Variants in FKBP3 observed in about 807,000 individuals in gnomAD.
FKBP3 encodes the protein peptidyl-prolyl cis-trans isomerase FKBP3.
Under a neutral mutation model 30.6 loss-of-function variants are expected in FKBP3, and 21 were observed. The ratio of observed to expected loss-of-function variants is 0.69; its 90% CI spans 0.49 to 0.99. The LOEUF is 0.99. Among genes scored for constraint, FKBP3 ranks in the 50% least tolerant of loss-of-function variants. The pLI is 0.00. For synonymous variants in FKBP3, 82 were observed against 91.3 expected, an observed-to-expected ratio of 0.90 and a Z score of 0.58; for missense variants, 283 against 261.6, an observed-to-expected ratio of 1.08 and a Z score of -0.56.
intron 6 of FKBP3, among the ~76,000 whole-genome samples, chr14:45,116,525 A>G (rs1428926580): frequency 6.6e-6 from 1 of 152,070 alleles, no homozygotes; most frequent in East Asian, 1.9e-4. Flanking sequence ...TAAAGTTTTT[A>G]TGAGGTAGTA....
Position 45,116,223 on chromosome 14 carries a change from T to G in FKBP3, c.650A>C (p.Glu217Ala), listed in dbSNP as rs144130205. 75 of 1,613,124 alleles carry G rather than the reference T, an allele frequency of 4.6e-5. No individual in the cohort carries two copies. The African/African-American group carries it at 9.1e-4, about 20-fold the overall frequency. ...TCAATCAATATCCACTAATTCCACT[T>G]CAAAAGTGAGTTTTGCATTTGGTGG... The part of the protein sequence containing the change: ...KIPPNAKLTF[E>A]VELVDID The change falls in exon 7 of 7, where the codon GAA (glutamate) becomes GCA (alanine). Residue 217 changes from glutamate to alanine, a missense_variant. Transcript: ENST00000396062.
At chr14:45,121,665 G>A (rs752573903) in intron 3 of FKBP3, 45 bp from the exon 4 acceptor site, 35 of 1,589,056 alleles carry the variant, frequency 2.2e-5, no homozygotes, top group Non-Finnish European at 2.8e-5. Flanking sequence ...ATTAATTTGT[G>A]TCCTTTAAAA....
At chr14:45,131,736 C>T (rs566811552) in intron 1 of FKBP3, among the ~76,000 whole-genome samples, 3 of 151,502 alleles carry the variant, frequency 2.0e-5, no homozygotes, top group South Asian at 2.1e-4. Context: ...TTAATAACAG[C>T]GTCTACGTCA....
At position 45,115,689 on chromosome 14, in the gene FKBP3, C is replaced by A. The variant is rs1220439520; in HGVS notation, c.*509G>T. ...AGTGGCTCATTGGTTTTGAAGTACA[C>A]CTTTTCTAAATTCAGGTCTTGATCT... On this transcript the variant is annotated 3_prime_UTR_variant, in exon 7 of 7. Transcript: ENST00000396062. The A allele has an allele frequency of 6.6e-6, 1 of 152,524 alleles. No homozygotes were observed. Among genetic ancestry groups the A allele is most frequent in the East Asian group, 1.9e-4 (1 of 5,196 alleles). The allele number at this position is 152,524 out of a possible 1,614,324, so 9.4% of individuals were successfully genotyped here. A position where few individuals can be genotyped will look rare whatever the true frequency, so the allele number is the denominator to read the frequency against.
intron 3 of FKBP3, among the ~76,000 whole-genome samples, chr14:45,123,577 ACT>A (rs1324669794): frequency 1.2e-3 from 144 of 122,794 alleles, no homozygotes; most frequent in Non-Finnish European, 1.5e-3. Context: ...CACTTCTCTA[ACT>A]CTGCTTAAAT....
At chr14:45,134,318 A>G in intron 1 of FKBP3, 31 bp downstream of exon 1, 1 of 1,550,928 alleles carries the variant, frequency 6.4e-7, no homozygotes, top group Non-Finnish European at 8.9e-7. Context: ...CCTCAGCCGC[A>G]CCAGCCCGGC....
At chr14:45,117,067 GTTCAAGTGA>G (rs1391230253) in intron 6 of FKBP3, among the ~76,000 whole-genome samples, 1 of 151,596 alleles carries the variant, frequency 6.6e-6, no homozygotes, top group Non-Finnish European at 1.5e-5. Context: ...TGCTTCCCAG[GTTCAAGTGA>G]TTCTCCTGCC....
intron 3 of FKBP3, among the ~76,000 whole-genome samples, chr14:45,128,421 A>C (rs2139085910): frequency 6.6e-6 from 1 of 152,352 alleles, no homozygotes; most frequent in South Asian, 2.1e-4. Context: ...AGCAATGAGC[A>C]ATGTGATGGA....
At chr14:45,128,921 T>C (rs916568836) in intron 3 of FKBP3, among the ~76,000 whole-genome samples, 3 of 152,240 alleles carry the variant, frequency 2.0e-5, no homozygotes, top group African/African-American at 4.8e-5. Context: ...AGCTACTCAA[T>C]AGATATAACA....
chr14:45,121,728 G>A, intron 3 of FKBP3, 108 bp from the exon 4 acceptor site: 6 of 1,265,406 alleles, frequency 4.7e-6, no homozygotes, highest in Non-Finnish European at 6.5e-6. Flanking sequence ...GAGTTTGATG[G>A]ATTTGGTAAT....
chr14:45,118,962 T>C (rs376608232), intron 5 of FKBP3, among the ~76,000 whole-genome samples: 2 of 152,178 alleles, frequency 1.3e-5, no homozygotes, highest in South Asian at 2.1e-4. Flanking sequence ...GTTTAACCGA[T>C]TCTCCTGCCT....
chr14:45,125,234 G>C (rs1885071835), intron 3 of FKBP3, among the ~76,000 whole-genome samples: 1 of 152,196 alleles, frequency 6.6e-6, no homozygotes, highest in Non-Finnish European at 1.5e-5. Context: ...GTTTTAAATA[G>C]ATCACTGTGA....
intron 1 of FKBP3, among the ~76,000 whole-genome samples, chr14:45,133,732 A>G (rs772722270): frequency 2.0e-5 from 3 of 152,188 alleles, no homozygotes; most frequent in Non-Finnish European, 2.9e-5. Flanking sequence ...TTTCAAATAA[A>G]TTTCTTAGTC....
At chr14:45,122,156 C>T (rs1177850392) in intron 3 of FKBP3, among the ~76,000 whole-genome samples, 1 of 151,968 alleles carries the variant, frequency 6.6e-6, no homozygotes, top group African/African-American at 2.4e-5. Flanking sequence ...GGCATATTTC[C>T]TAGAACAAAG....
In FKBP3 at chr14:45,115,918, A is replaced by AT; in HGVS notation, c.*279dup. 5.6e-6 allele frequency: 2 copies of AT among 359,060 alleles called. No individual in the cohort carries two copies. The highest frequency in any genetic ancestry group is 3.7e-5 in the Admixed American group (1 of 26,730). 22.2% of individuals were successfully genotyped at this position (359,060 alleles called of 1,614,324 possible). ...ACAGTCAGATCAAGACAGTGGATCAATTTTTATTGAGCCACTTAAGTTTAC... is the reference window on the plus strand; with the variant it reads ...ACAGTCAGATCAAGACAGTGGATCAATTTTTTATTGAGCCACTTAAGTTTAC... On this transcript the variant is annotated 3_prime_UTR_variant, in exon 7 of 7. Transcript: ENST00000396062.
At position 45,115,773 on chromosome 14, in the gene FKBP3, C is replaced by T. The variant is rs373588800; in HGVS notation, c.*425G>A. 3.0e-4 allele frequency: 46 copies of T among 154,188 alleles called. No homozygotes were observed. In the East Asian group the frequency reaches 7.9e-3, roughly 27 times the overall value. The allele number at this position is 154,188 out of a possible 1,614,324, so 9.6% of individuals were successfully genotyped here. ...TTTCCCCTCAAGCCTTATGCTTTTGCCTTCTCATTATACAGGCAATCTGTC... is the reference window on the plus strand; with the variant it reads ...TTTCCCCTCAAGCCTTATGCTTTTGTCTTCTCATTATACAGGCAATCTGTC... On this transcript the variant is annotated 3_prime_UTR_variant, in exon 7 of 7. Coordinates refer to ENST00000396062, the MANE Select transcript of FKBP3 (RefSeq NM_002013.4).
intron 1 of FKBP3, 51 bp from the exon 2 acceptor site, chr14:45,130,851 T>G: frequency 1.9e-6 from 2 of 1,067,752 alleles, no homozygotes; most frequent in Non-Finnish European, 2.8e-6. Flanking sequence ...GAGTAAGAAG[T>G]GTCTAAAATT....
chr14:45,134,432 C>T lies in FKBP3; in HGVS notation c.25G>A (p.Ala9Thr), dbSNP rs750791403. 3 of 1,611,928 alleles carry T rather than the reference C, an allele frequency of 1.9e-6. No individual in the cohort carries two copies. The highest frequency in any genetic ancestry group is 2.7e-5 in the African/African-American group (2 of 74,850). ...CTGCGCAGCTGCTCCACGGTCCACG[C>T]CCGCTGTGGAACGGCCGCCGCCATC... Reference protein sequence around the residue: MAAAVPQRAWTVEQLRSEQ... With the variant: MAAAVPQRTWTVEQLRSEQ... Residue 9 changes from alanine to threonine, a missense_variant, in exon 1 of 7, where the codon GCG (alanine) becomes ACG (threonine). Coordinates refer to ENST00000396062, the MANE Select transcript of FKBP3 (RefSeq NM_002013.4).
intron 3 of FKBP3, among the ~76,000 whole-genome samples, chr14:45,129,071 G>T (rs1885160863): frequency 6.6e-6 from 1 of 152,132 alleles, no homozygotes; most frequent in African/African-American, 2.4e-5. Flanking sequence ...ATCTATAATT[G>T]TATAACTGAA....
Sources: allele counts gnomAD v4.1 joint callset (sites outside exome capture counted in the v4.1 genomes callset), GRCh38; gene constraint gnomAD v4.1.1; transcripts MANE v1.5; gene names NCBI Gene and HGNC (gene_info 2026-07-23, HGNC 2026-07-21).